The following TAFA5 variants were observed in gnomAD, a reference collection of about 807,000 sequenced individuals.
The protein encoded by TAFA5 is chemokine-like protein TAFA-5.
In TAFA5, 6 loss-of-function variants were observed where a neutral mutation model predicts 15.3. The observed-to-expected ratio is 0.39, with a 90% CI of 0.21 to 0.77. The LOEUF (loss-of-function observed/expected upper bound fraction) is 0.77, where lower values mean the gene tolerates loss of function less well. TAFA5 is among the 30% of genes least tolerant of loss of function. The probability of loss-of-function intolerance (pLI) is 0.41; values close to 1 mark genes in which losing one functional copy is unlikely to be tolerated. For synonymous variants in TAFA5, 103 were observed against 80.7 expected, an observed-to-expected ratio of 1.28 and a Z score of -1.48; for missense variants, 161 against 193.1, an observed-to-expected ratio of 0.83 and a Z score of 0.98.
chr22:48,647,441 G>C (rs1003424568), intron 2 of TAFA5, among the ~76,000 whole-genome samples: 1 of 152,150 alleles, frequency 6.6e-6, no homozygotes, highest in Non-Finnish European at 1.5e-5. Flanking sequence ...GAACTCTGCT[G>C]TGTCTATGCT....
At position 48,540,026 on chromosome 22, in the gene TAFA5, C is replaced by T. The variant is rs528552813; in HGVS notation, c.112+50322C>T. ...ATGGATTGGGGGGTTGGGAGTGGAA[C>T]TGGGGGCCTGGGAAGGGTTAGGAGC... On this transcript the variant is annotated intron_variant, in intron 1 of 3. Transcript: ENST00000402357. 3.9e-5 allele frequency among the ~76,000 whole-genome samples: 6 copies of T among 152,172 alleles called. No homozygotes were observed. The South Asian group carries it at 1.2e-3, about 32-fold the overall frequency.
intron 2 of TAFA5, among the ~76,000 whole-genome samples, chr22:48,693,018 G>A (rs1928590912): frequency 6.6e-6 from 1 of 152,232 alleles, no homozygotes; most frequent in African/African-American, 2.4e-5. Context: ...ACTATTCACA[G>A]AACTCAGCAG....
chr22:48,655,830 CTTTTTTT>C (rs1197219539), intron 2 of TAFA5, among the ~76,000 whole-genome samples: 4 of 62,410 alleles, frequency 6.4e-5, no homozygotes, highest in Admixed American at 1.9e-4. Context: ...AACACTGATT[CTTTTTTT>C]TTTTTTTTTT....
At position 48,749,732 on chromosome 22, in the gene TAFA5, C is replaced by T. The variant is rs1930426311; in HGVS notation, c.391-107C>T. 7 of 1,337,188 alleles carry T rather than the reference C, an allele frequency of 5.2e-6. No individual in the cohort carries two copies. The East Asian group carries it at 1.8e-4, about 33-fold the overall frequency. The allele number at this position is 1,337,188 out of a possible 1,614,324, so 82.8% of individuals were successfully genotyped here. A position where few individuals can be genotyped will look rare whatever the true frequency, so the allele number is the denominator to read the frequency against. The stretch of plus-strand genomic sequence containing the variant: ...GATGAGCTCTTCGTTTCAGGCCCTC[C>T]AGGAGGCCGGCTGGCAGGAGCCGGG... On this transcript the variant is annotated intron_variant, in intron 3 of 3. Transcript: ENST00000402357.
At chr22:48,605,294 G>GTGGTGA (rs1489215143) in intron 1 of TAFA5, among the ~76,000 whole-genome samples, 1 of 89,280 alleles carries the variant, frequency 1.1e-5, no homozygotes, top group Non-Finnish European at 2.4e-5. Context: ...GTTGTTAATG[G>GTGGTGA]TGGTGATGGT....
intron 1 of TAFA5, among the ~76,000 whole-genome samples, chr22:48,528,765 G>A (rs566976455): frequency 3.9e-5 from 6 of 152,312 alleles, no homozygotes; most frequent in East Asian, 1.9e-4. Flanking sequence ...GGGCCGGTGG[G>A]CGGGGCCCCA....
intron 2 of TAFA5, among the ~76,000 whole-genome samples, chr22:48,656,645 C>T (rs6010563): frequency 0.8 from 119,364 of 149,292 alleles, 47,679 homozygotes; most frequent in East Asian, 0.91. Flanking sequence ...TAATAAAGAT[C>T]AAAATGGGAA....
At chr22:48,663,303 G>T (rs2147215920) in intron 2 of TAFA5, among the ~76,000 whole-genome samples, 1 of 152,050 alleles carries the variant, frequency 6.6e-6, no homozygotes, top group East Asian at 1.9e-4. Context: ...GGGCACTAGA[G>T]TGGGCTGAGG....
chr22:48,718,097 C>T (rs934656676), intron 3 of TAFA5, among the ~76,000 whole-genome samples: 3 of 152,118 alleles, frequency 2.0e-5, no homozygotes, highest in Admixed American at 1.3e-4. Flanking sequence ...CAGCAGGCCA[C>T]GGGCTGAGCA....
intron 2 of TAFA5, among the ~76,000 whole-genome samples, chr22:48,651,803 C>T (rs13057367): frequency 0.14 from 21,657 of 152,164 alleles, 1,806 homozygotes; most frequent in Admixed American, 0.26. Flanking sequence ...CTGTCCTCAT[C>T]CTCCAGCAGC....
intron 1 of TAFA5, among the ~76,000 whole-genome samples, chr22:48,627,558 C>T (rs1926069109): frequency 6.6e-6 from 1 of 152,260 alleles, no homozygotes; most frequent in Admixed American, 6.5e-5. Context: ...GCTTGGAGAG[C>T]AGGCAGCTGC....
chr22:48,655,664 G>C (rs1927210873), intron 2 of TAFA5, among the ~76,000 whole-genome samples: 1 of 152,038 alleles, frequency 6.6e-6, no homozygotes. Context: ...TGAATTTAGG[G>C]AACACTTTTA....
chr22:48,696,898 C>G (rs1242576064), intron 2 of TAFA5, among the ~76,000 whole-genome samples: 2 of 152,204 alleles, frequency 1.3e-5, no homozygotes, highest in Non-Finnish European at 2.9e-5. Flanking sequence ...GGAGGGAGCT[C>G]CCGTCTCAGG....
chr22:48,623,319 A>ACCTGTGGGACGGGACG (rs1925911848), intron 1 of TAFA5, among the ~76,000 whole-genome samples: 3 of 42,224 alleles, frequency 7.1e-5, no homozygotes, highest in Admixed American at 2.2e-4. Context: ...GGGACGGGAC[A>ACCTGTGGGACGGGACG]TGTCGCGTGG....
At chr22:48,583,402 C>T (rs560547868) in intron 1 of TAFA5, among the ~76,000 whole-genome samples, 75 of 150,294 alleles carry the variant, frequency 5.0e-4, no homozygotes, top group Admixed American at 9.3e-4. Flanking sequence ...CCACACACCA[C>T]ACACAAAATA....
At chr22:48,616,708 T>C (rs28449407) in intron 1 of TAFA5, among the ~76,000 whole-genome samples, 146,689 of 152,336 alleles carry the variant, frequency 0.96, 70,687 homozygotes, top group East Asian at 1. Context: ...TCCCACCCTC[T>C]GTCTAGGGCT....
intron 1 of TAFA5, among the ~76,000 whole-genome samples, chr22:48,585,182 G>A (rs1924299415): frequency 1.0e-4 from 15 of 143,022 alleles, no homozygotes. Flanking sequence ...GACACACTGT[G>A]CACACATACC....
chr22:48,733,259 G>A (rs987766307), intron 3 of TAFA5, among the ~76,000 whole-genome samples: 2 of 152,196 alleles, frequency 1.3e-5, no homozygotes, highest in Admixed American at 1.3e-4. Flanking sequence ...CAAATCAAAT[G>A]AGCAAAAGCA....
chr22:48,535,733 G>A (rs563328236), intron 1 of TAFA5, among the ~76,000 whole-genome samples: 18 of 147,670 alleles, frequency 1.2e-4, no homozygotes, highest in South Asian at 4.3e-4. Flanking sequence ...CAGTCACACC[G>A]GCACATCACA....
Sources: gnomAD v4.1 joint callset for allele counts (sites outside exome capture counted in the v4.1 genomes callset) on GRCh38, gnomAD v4.1.1 for gene constraint, MANE v1.5 for transcripts, NCBI Gene and HGNC (gene_info 2026-07-23, HGNC 2026-07-21) for gene names.